PXYLP1: variants seen among roughly 807,000 people sequenced by gnomAD.
The protein encoded by PXYLP1 is acid phosphatase-like 2.
PXYLP1 carries 17 observed loss-of-function variants against 37.9 expected under a neutral mutation model. The ratio of observed to expected loss-of-function variants is 0.45; its 90% CI spans 0.31 to 0.67. The LOEUF (loss-of-function observed/expected upper bound fraction) is 0.67, where lower values mean the gene tolerates loss of function less well. Ranked by LOEUF, PXYLP1 falls within the 30% of genes least tolerant of loss-of-function variation. The pLI is 0.07. For synonymous variants in PXYLP1, 221 were observed against 232.2 expected, an observed-to-expected ratio of 0.95 and a Z score of 0.44; for missense variants, 511 against 612.0, an observed-to-expected ratio of 0.84 and a Z score of 1.74.
chr3:141,269,195 C>T (rs533233573), intron 2 of PXYLP1, among the ~76,000 whole-genome samples: 1 of 152,352 alleles, frequency 6.6e-6, no homozygotes, highest in South Asian at 2.1e-4. Context: ...GGTTTGGTGG[C>T]CTCAGTGGGT....
chr3:141,251,688 C>G (rs1480623307), intron 1 of PXYLP1, among the ~76,000 whole-genome samples: 2 of 152,216 alleles, frequency 1.3e-5, no homozygotes, highest in Non-Finnish European at 2.9e-5. Flanking sequence ...GCAGGCCAGC[C>G]TCCCTGAGCA....
intron 2 of PXYLP1, among the ~76,000 whole-genome samples, chr3:141,261,154 G>T (rs866861773): frequency 6.6e-6 from 1 of 151,748 alleles, no homozygotes; most frequent in African/African-American, 2.4e-5. Context: ...TCCTTCCCCC[G>T]TTTTTTTCTT....
intron 5 of PXYLP1, among the ~76,000 whole-genome samples, chr3:141,288,294 T>A (rs79693565): frequency 1.2e-4 from 19 of 152,330 alleles, no homozygotes; most frequent in African/African-American, 4.3e-4. Context: ...CCATGTTCTG[T>A]CTTCATCTTG....
intron 2 of PXYLP1, among the ~76,000 whole-genome samples, chr3:141,270,523 G>C (rs1293551288): frequency 6.6e-6 from 1 of 152,230 alleles, no homozygotes; most frequent in Non-Finnish European, 1.5e-5. Flanking sequence ...GGAGCACTAA[G>C]GGAATTGTGG....
At chr3:141,281,306 G>A (rs559560537) in intron 4 of PXYLP1, among the ~76,000 whole-genome samples, 2 of 152,324 alleles carry the variant, frequency 1.3e-5, no homozygotes, top group East Asian at 3.9e-4. Context: ...CAAGTGCAGG[G>A]GGCCCGAGGC....
intron 5 of PXYLP1, among the ~76,000 whole-genome samples, chr3:141,288,687 G>C (rs1195033207): frequency 6.6e-6 from 1 of 152,146 alleles, no homozygotes; most frequent in Non-Finnish European, 1.5e-5. Context: ...TGAGCCTGAG[G>C]GTTCGAGAGC....
At chr3:141,274,584 A>C in intron 2 of PXYLP1, 1 of 946,714 alleles carries the variant, frequency 1.1e-6, no homozygotes, top group Non-Finnish European at 1.6e-6. Context: ...GAGATATTTC[A>C]TCAAAAGCAT....
At position 141,294,626 on chromosome 3, in the gene PXYLP1, T is replaced by A. The variant is rs1942307785; in HGVS notation, c.*1421T>A. 6.6e-6 allele frequency: 1 copy of A among 152,224 alleles called. No homozygotes were observed. The highest frequency in any genetic ancestry group is 6.5e-5 in the Admixed American group (1 of 15,280). The allele number at this position is 152,224 out of a possible 1,614,324, so 9.4% of individuals were successfully genotyped here. On this transcript the variant is annotated 3_prime_UTR_variant, in exon 6 of 6. Transcript: ENST00000286353. Reference sequence around the variant, plus strand: ...TGTCTGTTTCTATAAATAAATTTTTTAAGAATACCTATACTATACAACTAA... The same window carrying A: ...TGTCTGTTTCTATAAATAAATTTTTAAAGAATACCTATACTATACAACTAA...
chr3:141,238,856 G>A (rs556916968), intron 1 of PXYLP1, among the ~76,000 whole-genome samples: 19 of 152,192 alleles, frequency 1.2e-4, no homozygotes, highest in African/African-American at 4.6e-4. Flanking sequence ...TTTCCTATTC[G>A]TTAAGTGGAA....
At position 141,293,171 on chromosome 3, in the gene PXYLP1, A is replaced by C; in HGVS notation, c.1409A>C (p.Asn470Thr). 1.2e-6 allele frequency: 2 copies of C among 1,613,962 alleles called. No homozygotes were observed. Among genetic ancestry groups the C allele is most frequent in the African/African-American group, 1.3e-5 (1 of 75,044 alleles). ...MFVALGGSGT[N>T]YYDACHREGF ...GTAGCCCTGGGTGGCAGTGGTACAAATTATTATGATGCATGTCACAGGGAA... is the reference window on the plus strand; with the variant it reads ...GTAGCCCTGGGTGGCAGTGGTACAACTTATTATGATGCATGTCACAGGGAA... The change falls in exon 6 of 6, where the codon AAT (asparagine) becomes ACT (threonine). Residue 470 changes from asparagine to threonine, a missense_variant. Transcript: ENST00000286353.
intron 2 of PXYLP1, chr3:141,273,175 C>A (rs965179900): frequency 7.5e-5 from 74 of 985,218 alleles, no homozygotes; most frequent in Non-Finnish European, 8.7e-5. Context: ...GGATTGTAAA[C>A]CCCGTGAGGG....
At chr3:141,261,647 G>A (rs1297361542) in intron 2 of PXYLP1, among the ~76,000 whole-genome samples, 1 of 152,156 alleles carries the variant, frequency 6.6e-6, no homozygotes. Context: ...CACTAACCAT[G>A]CACTAGTATA....
At chr3:141,232,594 GTGTAGACCCAC>G (rs1444893373) in intron 1 of PXYLP1, among the ~76,000 whole-genome samples, 2 of 152,262 alleles carry the variant, frequency 1.3e-5, no homozygotes, top group Non-Finnish European at 2.9e-5. Context: ...GGACCGTGTG[GTGTAGACCCAC>G]GACGTTGCTT....
intron 1 of PXYLP1, among the ~76,000 whole-genome samples, chr3:141,241,641 C>T (rs115967948): frequency 0.015 from 2,211 of 152,290 alleles, 31 homozygotes; most frequent in Admixed American, 0.017. Flanking sequence ...AACAGCAAGT[C>T]GACTGTGCCA....
intron 1 of PXYLP1, among the ~76,000 whole-genome samples, chr3:141,248,730 CACGT>C (rs1361719266): frequency 6.0e-5 from 2 of 33,436 alleles, no homozygotes; most frequent in African/African-American, 3.4e-4. Context: ...TATATACACA[CACGT>C]GTATATATAC....
In PXYLP1 at chr3:141,294,651, A is replaced by G. The variant is rs148676145; in HGVS notation, c.*1446A>G. 377 of 152,324 alleles carry G rather than the reference A, an allele frequency of 2.5e-3. 1 individual carries two copies. Among genetic ancestry groups the G allele is most frequent in the African/African-American group, 8.8e-3 (365 of 41,580 alleles). 9.4% of individuals were successfully genotyped at this position (152,324 alleles called of 1,614,324 possible). A position where few individuals can be genotyped will look rare whatever the true frequency, so the allele number is the denominator to read the frequency against. On this transcript the variant is annotated 3_prime_UTR_variant, in exon 6 of 6. Coordinates refer to ENST00000286353, the MANE Select transcript of PXYLP1 (RefSeq NM_001037172.3). Reference sequence around the variant, plus strand: ...TAAGAATACCTATACTATACAACTAATGGTTTGTACCTATAAGTCACTCGA... The same window carrying G: ...TAAGAATACCTATACTATACAACTAGTGGTTTGTACCTATAAGTCACTCGA...
At chr3:141,270,206 A>G (rs1293229410) in intron 2 of PXYLP1, among the ~76,000 whole-genome samples, 1 of 152,254 alleles carries the variant, frequency 6.6e-6, no homozygotes, top group East Asian at 1.9e-4. Context: ...GAGGAAAACA[A>G]GAAAGGTTGG....
chr3:141,254,977 G>A (rs1941232517), intron 1 of PXYLP1, among the ~76,000 whole-genome samples: 1 of 152,158 alleles, frequency 6.6e-6, no homozygotes. Flanking sequence ...GCTCTTACAA[G>A]GTGAAAAATA....
intron 1 of PXYLP1, among the ~76,000 whole-genome samples, chr3:141,238,399 C>T (rs532740629): frequency 1.3e-5 from 2 of 152,302 alleles, no homozygotes; most frequent in East Asian, 1.9e-4. Flanking sequence ...AATGGGCTGT[C>T]GACCAGAAAA....
Sources: gnomAD v4.1 joint callset for allele counts (sites outside exome capture counted in the v4.1 genomes callset) on GRCh38, gnomAD v4.1.1 for gene constraint, MANE v1.5 for transcripts, NCBI Gene and HGNC (gene_info 2026-07-23, HGNC 2026-07-21) for gene names.